Variants in PHF19 observed in about 807,000 individuals in gnomAD.
PHF19 encodes PHD finger protein 19, also known as polycomb like 3.
PHF19 carries 21 observed loss-of-function variants against 79.8 expected under a neutral mutation model. That is an observed-to-expected ratio of 0.26 (90% CI 0.19 to 0.38). The LOEUF (loss-of-function observed/expected upper bound fraction) is 0.38, where lower values mean the gene tolerates loss of function less well. Among genes scored for constraint, PHF19 ranks in the 10% least tolerant of loss-of-function variants. The pLI, the probability that PHF19 is intolerant of heterozygous loss-of-function variation, is 1.00. For missense variants in PHF19, 445 were observed against 744.2 expected, an observed-to-expected ratio of 0.60 and a Z score of 4.68; for synonymous variants, 273 against 296.3, an observed-to-expected ratio of 0.92 and a Z score of 0.81.
chr9:120,865,559 G>C lies in PHF19; in HGVS notation c.900+151C>G. The C allele has an allele frequency of 7.5e-6, 7 of 931,752 alleles. No individual in the cohort carries two copies. The South Asian group carries it at 1.2e-4, about 16-fold the overall frequency. 57.7% of individuals were successfully genotyped at this position (931,752 alleles called of 1,614,324 possible). A position where few individuals can be genotyped will look rare whatever the true frequency, so the allele number is the denominator to read the frequency against. On this transcript the variant is annotated intron_variant, in intron 9 of 14. Transcript: ENST00000373896. Reference sequence around the variant, plus strand: ...CACTGCCAAAATCTGGGATTAGGAAGGCCCTTAAAGGACACAAGATCAGAG... The same window carrying C: ...CACTGCCAAAATCTGGGATTAGGAACGCCCTTAAAGGACACAAGATCAGAG...
At chr9:120,864,668 G>A (rs2045643191) in intron 9 of PHF19, among the ~76,000 whole-genome samples, 1 of 152,140 alleles carries the variant, frequency 6.6e-6, no homozygotes, top group African/African-American at 2.4e-5. Context: ...GGGCGACAGA[G>A]GGAGACTCCG....
rs1319982483 is a variant in PHF19, at chr9:120,891,905, G to A, written c.42+2883C>T. 6.6e-6 allele frequency among the ~76,000 whole-genome samples: 1 copy of A among 152,108 alleles called. No homozygotes were observed. The highest frequency in any genetic ancestry group is 1.5e-5 in the Non-Finnish European group (1 of 68,034). On this transcript the variant is annotated intron_variant, in intron 1 of 14. Coordinates refer to the PHF19 transcript ENST00000616568. This position sits in a 1 kb window ranked among gnomAD's most constrained non-coding sequence, Gnocchi z 4.3. Reference sequence around the variant, plus strand: ...GATCCTTCTGCACACAAATGTGCCAGGGCTCAAAACATCCTAAAACAGGCT... The same window carrying A: ...GATCCTTCTGCACACAAATGTGCCAAGGCTCAAAACATCCTAAAACAGGCT...
chr9:120,864,051 G>A lies in PHF19; in HGVS notation c.966C>T (p.Ser322=). ...CTCCCTCCCCTCCCTGCACGCACCGGCTTTTATAACTGTTCAGAGCGTTGA... is the reference window on the plus strand; with the variant it reads ...CTCCCTCCCCTCCCTGCACGCACCGACTTTTATAACTGTTCAGAGCGTTGA... ...HLLNALNSYK[S]RFLCGKEIKK... The change falls in exon 10 of 15, where the codon AGC becomes AGT. Residue 322 remains serine (S), a splice_region_variant and synonymous_variant. Transcript: ENST00000373896. 6.2e-7 allele frequency: 1 copy of A among 1,613,386 alleles called. No homozygotes were observed. The highest frequency in any genetic ancestry group is 8.5e-7 in the Non-Finnish European group (1 of 1,179,588).
At chr9:120,893,953 T>C (rs2046372723) in intron 1 of PHF19, among the ~76,000 whole-genome samples, 1 of 152,148 alleles carries the variant, frequency 6.6e-6, no homozygotes, top group Non-Finnish European at 1.5e-5. Flanking sequence ...CTCTTATAAA[T>C]GCAAAATCTC....
chr9:120,880,002 A>AG (rs1235855404), upstream of PHF19, among the ~76,000 whole-genome samples: 4 of 135,522 alleles, frequency 3.0e-5, no homozygotes, highest in East Asian at 9.3e-4. Context: ...CTGTCAATAT[A>AG]GGGGGGTGGG....
rs2046003628 is a variant in PHF19, at chr9:120,874,896, T to A, written c.-15-140A>T. On this transcript the variant is annotated intron_variant, in intron 1 of 14. Coordinates refer to ENST00000373896, the MANE Select transcript of PHF19 (RefSeq NM_015651.3). This position sits in a 1 kb window ranked among gnomAD's most constrained non-coding sequence, Gnocchi z 4.5. ...TTATCTCACTGATTCCTCGTGACCA[T>A]CCTATGAGGGAGACATTATTATTAT... 1.7e-6 allele frequency: 1 copy of A among 604,912 alleles called. No individual in the cohort carries two copies. The highest frequency in any genetic ancestry group is 2.9e-6 in the Non-Finnish European group (1 of 339,688). The allele number at this position is 604,912 out of a possible 1,614,324, so 37.5% of individuals were successfully genotyped here.
upstream of PHF19, among the ~76,000 whole-genome samples, chr9:120,896,609 G>T (rs989758569): frequency 2.6e-5 from 4 of 151,766 alleles, no homozygotes; most frequent in Non-Finnish European, 4.4e-5. Context: ...GCGCCACCAC[G>T]CCCGGCTAAT....
intron 1 of PHF19, among the ~76,000 whole-genome samples, chr9:120,890,745 C>T (rs2131597630): frequency 6.6e-6 from 1 of 152,282 alleles, no homozygotes; most frequent in South Asian, 2.1e-4. Flanking sequence ...ATCCTTCCCT[C>T]AGCTCAAGTC....
At chr9:120,895,728 C>T (rs1368495368), upstream of PHF19, among the ~76,000 whole-genome samples, 2 of 152,162 alleles carry the variant, frequency 1.3e-5, no homozygotes, top group African/African-American at 4.8e-5. Context: ...TCTTGGCTCA[C>T]TGCAGCCTCG....
rs754880534 is a variant in PHF19, at chr9:120,865,708, A to ACCTG, written c.900+1_900+2insCAGG. The ACCTG allele has an allele frequency of 6.2e-7, 1 of 1,614,084 alleles. No homozygotes were observed. Among genetic ancestry groups the ACCTG allele is most frequent in the Non-Finnish European group, 8.5e-7 (1 of 1,179,984 alleles). ...CCACTGACATCCCACAACCCCACAT[A>ACCTG]CCTTGCCAAGCTGCAGGAGCTCCCA... On this transcript the variant is annotated splice_donor_variant, in intron 9 of 14. Coordinates refer to ENST00000373896, the MANE Select transcript of PHF19 (RefSeq NM_015651.3). LOFTEE classifies it high-confidence loss of function.
At chr9:120,887,633 C>CACACACACACACACACACAG (rs1315804927) in intron 1 of PHF19, among the ~76,000 whole-genome samples, 1 of 86,960 alleles carries the variant, frequency 1.1e-5, no homozygotes, top group Non-Finnish European at 2.5e-5. Flanking sequence ...CACACACACA[C>CACACACACACACACACACAG]ACACACACAC....
chr9:120,869,129 C>A lies in PHF19; in HGVS notation c.614+53G>T, dbSNP rs1335041841. 7.8e-6 allele frequency: 12 copies of A among 1,547,444 alleles called. No individual in the cohort carries two copies. Among genetic ancestry groups the A allele is most frequent in the Non-Finnish European group, 9.6e-6 (11 of 1,147,166 alleles). On this transcript the variant is annotated intron_variant, in intron 6 of 14. Transcript: ENST00000373896. This position sits in a 1 kb window ranked among gnomAD's most constrained non-coding sequence, Gnocchi z 5.8. ...GCTCCCTATGGGCGGTCCCTGCTGG[C>A]GATTCTTGGAGACCTGCCCTGCCGC...
At chr9:120,900,235 C>T in the PHF19 span, among the ~76,000 whole-genome samples, 2 of 152,222 alleles carry the variant, frequency 1.3e-5, no homozygotes, top group Admixed American at 1.3e-4. Flanking sequence ...TATCTGCCCA[C>T]CTCAGCCTCC....
chr9:120,864,512 G>A (rs529200564), intron 9 of PHF19, among the ~76,000 whole-genome samples: 20 of 152,116 alleles, frequency 1.3e-4, no homozygotes, highest in Non-Finnish European at 2.6e-4. Flanking sequence ...AAGGAAACAA[G>A]TAAACTATGG....
upstream of PHF19, among the ~76,000 whole-genome samples, chr9:120,881,038 G>A (rs1407451833): frequency 1.3e-5 from 2 of 151,944 alleles, no homozygotes; most frequent in African/African-American, 4.8e-5. Context: ...CAGTCAGCTA[G>A]TAAAAGTATT....
intron 12 of PHF19, among the ~76,000 whole-genome samples, 162 bp from the exon 13 acceptor site, chr9:120,861,336 C>T (rs1389995821): frequency 6.6e-6 from 1 of 152,190 alleles, no homozygotes; most frequent in Non-Finnish European, 1.5e-5. Flanking sequence ...CCAAAGTCAT[C>T]CCAGTTCTAG....
At chr9:120,865,855 G>A in intron 8 of PHF19, 25 bp from the exon 9 acceptor site, 1 of 1,613,954 alleles carries the variant, frequency 6.2e-7, no homozygotes, top group East Asian at 2.2e-5. Context: ...AAGGAGGTGG[G>A]ACCAGGTGAG....
chr9:120,860,447 C>A lies in PHF19; in HGVS notation c.1305-262G>T. 1 of 459,008 alleles carries A rather than the reference C, an allele frequency of 2.2e-6. No homozygotes were observed. 28.4% of individuals were successfully genotyped at this position (459,008 alleles called of 1,614,324 possible). A position where few individuals can be genotyped will look rare whatever the true frequency, so the allele number is the denominator to read the frequency against. On this transcript the variant is annotated intron_variant, in intron 13 of 14. Transcript: ENST00000373896. This position sits in a 1 kb window ranked among gnomAD's most constrained non-coding sequence, Gnocchi z 4.1. ...ATAACTCGAGCGTGATCCAAGGCAC[C>A]TGTGCAACACTTCACAGGTCAAAAG...
chr9:120,867,517 T>C (rs1430942708), intron 6 of PHF19, among the ~76,000 whole-genome samples: 1 of 152,266 alleles, frequency 6.6e-6, no homozygotes, highest in East Asian at 1.9e-4. Flanking sequence ...ATTGACACCT[T>C]GTCAGGTGAG....
Sources: gnomAD v4.1 joint callset for allele counts (sites outside exome capture counted in the v4.1 genomes callset) on GRCh38, gnomAD v4.1.1 for gene constraint, Gnocchi (gnomAD v3.1) non-coding constraint, MANE v1.5 for transcripts, NCBI Gene and HGNC (gene_info 2026-07-23, HGNC 2026-07-21) for gene names.